Variants in CYP2F1 observed in about 807,000 individuals in gnomAD.
CYP2F1 encodes cytochrome P450 2F1.
Under a neutral mutation model 40.4 loss-of-function variants are expected in CYP2F1, and 33 were observed. The ratio of observed to expected loss-of-function variants is 0.82; its 90% CI spans 0.62 to 1.09. The LOEUF (loss-of-function observed/expected upper bound fraction) is 1.09, where lower values mean the gene tolerates loss of function less well. Ranked by LOEUF, CYP2F1 falls within the 50% of genes least tolerant of loss-of-function variation. The probability of loss-of-function intolerance (pLI) is 0.00; values close to 1 mark genes in which losing one functional copy is unlikely to be tolerated. For missense variants in CYP2F1, 566 were observed against 655.7 expected (o/e 0.86, Z 1.49); for synonymous variants, 235 against 277.2 (o/e 0.85, Z 1.51).
At chr19:41,126,760 A>C (rs1167516240) in intron 9 of CYP2F1, among the ~76,000 whole-genome samples, 1 of 152,116 alleles carries the variant, frequency 6.6e-6, no homozygotes, top group Non-Finnish European at 1.5e-5. Flanking sequence ...CTCTAAAATA[A>C]AAAATACTGA....
chr19:41,119,748 T>TATATATATATATATATATATAC (rs1337166345), intron 3 of CYP2F1, among the ~76,000 whole-genome samples: 1 of 36,104 alleles, frequency 2.8e-5, no homozygotes, highest in African/African-American at 1.1e-4. Context: ...TATATATATA[T>TATATATATATATATATATATAC]ACACACACAC....
chr19:41,126,829 G>A (rs2032563239), intron 9 of CYP2F1, among the ~76,000 whole-genome samples: 1 of 152,088 alleles, frequency 6.6e-6, no homozygotes, highest in South Asian at 2.1e-4. Flanking sequence ...GAACTTGGGA[G>A]TGGTCATTGT....
chr19:41,114,677 T>G (rs2031680589), intron 1 of CYP2F1, among the ~76,000 whole-genome samples, 185 bp downstream of exon 1: 1 of 152,134 alleles, frequency 6.6e-6, no homozygotes, highest in South Asian at 2.1e-4. Flanking sequence ...AGTAGGTGGC[T>G]TCTCTCTCTG....
Position 41,120,648 on chromosome 19 carries a change from A to C in CYP2F1, c.484+152A>C, listed in dbSNP as rs1025839043. 4.3e-5 allele frequency: 36 copies of C among 845,946 alleles called. No homozygotes were observed. The African/African-American group carries it at 4.8e-4, about 11-fold the overall frequency. The allele number at this position is 845,946 out of a possible 1,614,324, so 52.4% of individuals were successfully genotyped here. On this transcript the variant is annotated intron_variant, in intron 4 of 9. Coordinates refer to ENST00000331105, the MANE Select transcript of CYP2F1 (RefSeq NM_000774.5). Reference sequence around the variant, plus strand: ...AGGTGTGCTCCACCACACCCAGCTTATTTTTAAATTTTTTGTAGAGACAGG... The same window carrying C: ...AGGTGTGCTCCACCACACCCAGCTTCTTTTTAAATTTTTTGTAGAGACAGG...
chr19:41,122,757 T>G, intron 6 of CYP2F1, 65 bp from the exon 7 acceptor site: 1 of 1,455,674 alleles, frequency 6.9e-7, no homozygotes, highest in Admixed American at 2.5e-5. Context: ...CAGCAGCAGT[T>G]GTACTGGTCT....
rs145103345 is a variant in CYP2F1 at position 41,116,504 on chromosome 19, G to A, written c.221G>A (p.Arg74Gln). ...SMYTVHLGPR[R>Q]VVVLSGYQAV... ...TACACAGTGCACCTGGGACCCAGGC[G>A]GGTGGTGGTCCTCAGCGGGTACCAA... The change falls in exon 3 of 10, where the codon CGG becomes CAG. Residue 74 changes from arginine to glutamine, a missense_variant. Around this residue, in one of 5 missense-constraint regions of CYP2F1, gnomAD observed 264 missense variants for 275.7 expected, o/e 0.96. Transcript: ENST00000331105. The A allele has an allele frequency of 3.9e-4, 631 of 1,614,000 alleles. 5 individuals carry two copies. The highest frequency in any genetic ancestry group is 2.6e-3 in the African/African-American group (198 of 75,012).
intron 3 of CYP2F1, among the ~76,000 whole-genome samples, chr19:41,117,790 C>G (rs2031908509): frequency 6.6e-6 from 1 of 152,146 alleles, no homozygotes; most frequent in Admixed American, 6.6e-5. Context: ...TATCTTGTCC[C>G]TCTAAGGCTT....
At chr19:41,120,129 C>G (rs1285571561) in intron 3 of CYP2F1, among the ~76,000 whole-genome samples, 1 of 151,906 alleles carries the variant, frequency 6.6e-6, no homozygotes, top group African/African-American at 2.4e-5. Context: ...AATGGGGAAA[C>G]AGAGGCAGAG....
chr19:41,124,085 C>A (rs1315841654), intron 7 of CYP2F1, among the ~76,000 whole-genome samples: 1 of 151,936 alleles, frequency 6.6e-6, no homozygotes, highest in Non-Finnish European at 1.5e-5. Context: ...CCAGTAGAGC[C>A]CCAAAACTGC....
chr19:41,122,001 G>A lies in CYP2F1; in HGVS notation c.690G>A (p.Pro230=), dbSNP rs150534450. 372 of 1,613,146 alleles carry A rather than the reference G, an allele frequency of 2.3e-4. 3 individuals carry two copies. In the African/African-American group the frequency reaches 4.2e-3, roughly 18 times the overall value. ...GCCTCCTGGACTGGGTGCCTGGGCC[G>A]CACCAACGCATCTTCCAGAACTTCA... ...FPSLLDWVPG[P]HQRIFQNFKC... is the part of the protein sequence containing the mutation. The change falls in exon 6 of 10, where the codon CCG becomes CCA. Residue 230 remains proline, a synonymous_variant. Coordinates refer to ENST00000331105, the MANE Select transcript of CYP2F1 (RefSeq NM_000774.5).
At position 41,124,720 on chromosome 19, in the gene CYP2F1, C is replaced by T. The variant is rs1351499693; in HGVS notation, c.966C>T (p.Ala322=). Residue 322 remains alanine, a splice_region_variant and synonymous_variant, in exon 8 of 10, where the codon GCC becomes GCT. Transcript: ENST00000331105. The part of the protein sequence containing the change: ...LALMKYPKVQ[A]RVQEEIDLVV... ...CCCCGCTTCCCGCTTCCTCTCCAGC[C>T]CGCGTGCAGGAGGAGATCGACCTCG... 1.2e-6 allele frequency: 2 copies of T among 1,600,312 alleles called. No individual in the cohort carries two copies. Among genetic ancestry groups the T allele is most frequent in the Non-Finnish European group, 8.5e-7 (1 of 1,178,652 alleles).
Position 41,127,885 on chromosome 19 carries a change from C to G in CYP2F1, c.1295-16C>G. The G allele has an allele frequency of 6.2e-7, 1 of 1,606,124 alleles. No homozygotes were observed. ...ATCTTATCTCACCGCCGCTCCCCAT[C>G]CTGCCACCCCTGCAGGGCGCCGTCT... On this transcript the variant is annotated splice_polypyrimidine_tract_variant and intron_variant, in intron 9 of 9. Transcript: ENST00000331105.
Position 41,120,387 on chromosome 19 carries a change from A to G in CYP2F1, c.375A>G (p.Arg125=). ...GTGGGGATCGATGGAAGGTCCTGAG[A>G]CAGTTCTCTATCCAGATTCTACGGA... The part of the protein sequence containing the change: ...FSSGDRWKVL[R]QFSIQILRNF... Residue 125 remains arginine, a synonymous_variant, in exon 4 of 10, where the codon AGA becomes AGG. Transcript: ENST00000331105. 6 of 1,613,864 alleles carry G rather than the reference A, an allele frequency of 3.7e-6. No homozygotes were observed. The highest frequency in any genetic ancestry group is 4.2e-6 in the Non-Finnish European group (5 of 1,179,944).
At chr19:41,121,113 C>T (rs2032170520) in intron 4 of CYP2F1, among the ~76,000 whole-genome samples, 1 of 152,016 alleles carries the variant, frequency 6.6e-6, no homozygotes, top group African/African-American at 2.4e-5. Context: ...ATCGTATTTG[C>T]TGGGTGTTCT....
chr19:41,116,055 T>G, intron 1 of CYP2F1, 123 bp from the exon 2 acceptor site: 2 of 880,922 alleles, frequency 2.3e-6, no homozygotes, highest in East Asian at 5.1e-5. Flanking sequence ...TCCCCTGGCC[T>G]CTCCCTGTCT....
chr19:41,119,585 A>AGGCTGAG (rs2032016050), intron 3 of CYP2F1, among the ~76,000 whole-genome samples: 1 of 151,102 alleles, frequency 6.6e-6, no homozygotes, highest in African/African-American at 2.4e-5. Context: ...GCTACTGGGG[A>AGGCTGAG]GGCTGAGGCA....
chr19:41,120,383 T>C lies in CYP2F1; in HGVS notation c.371T>C (p.Leu124Pro), dbSNP rs2032120020. The change falls in exon 4 of 10, where the codon CTG (leucine) becomes CCG (proline). Residue 124 changes from leucine to proline, a missense_variant. Coordinates refer to ENST00000331105, the MANE Select transcript of CYP2F1 (RefSeq NM_000774.5). ...AFSSGDRWKV[L>P]RQFSIQILRN... ...TCCAGTGGGGATCGATGGAAGGTCC[T>C]GAGACAGTTCTCTATCCAGATTCTA... 6.2e-7 allele frequency: 1 copy of C among 1,613,696 alleles called. No homozygotes were observed. The highest frequency in any genetic ancestry group is 1.1e-5 in the South Asian group (1 of 91,032).
chr19:41,123,813 C>T (rs1464404068), intron 7 of CYP2F1, among the ~76,000 whole-genome samples: 7 of 152,194 alleles, frequency 4.6e-5, no homozygotes, highest in East Asian at 1.9e-4. Context: ...TGTGAGCCAC[C>T]GCTCCTGCCT....
At chr19:41,114,788 C>CTTTTTTTT (rs36044091) in intron 1 of CYP2F1, among the ~76,000 whole-genome samples, 5 of 100,010 alleles carry the variant, frequency 5.0e-5, no homozygotes, top group Admixed American at 2.1e-4. Flanking sequence ...CTCTCTCTCT[C>CTTTTTTTT]TTTTTTTTTT....
Sources: gnomAD v4.1 joint callset for allele counts (sites outside exome capture counted in the v4.1 genomes callset) on GRCh38, gnomAD v4.1.1 for gene constraint, gnomAD v4.1.1 regional missense constraint, MANE v1.5 for transcripts, NCBI Gene and HGNC (gene_info 2026-07-23, HGNC 2026-07-21) for gene names.